FMN1: variants seen among roughly 807,000 people sequenced by gnomAD.
The protein encoded by FMN1 is formin 1, also known as formin-1.
A neutral mutation model predicts 132.4 loss-of-function variants in FMN1; 110 were observed. The observed-to-expected ratio is 0.83, with a 90% CI of 0.71 to 0.97. The LOEUF is 0.97. Ranked by LOEUF, FMN1 falls within the 50% of genes least tolerant of loss-of-function variation. The probability of loss-of-function intolerance (pLI) is 0.00; values close to 1 mark genes in which losing one functional copy is unlikely to be tolerated. For synonymous variants in FMN1, 722 were observed against 651.7 expected (o/e 1.11, Z -1.64); for missense variants, 1,792 against 1,705.3 (o/e 1.05, Z -0.90).
At position 32,777,480 on chromosome 15, in the gene FMN1, T is replaced by A. The variant is rs991202582; in HGVS notation, c.4131-561A>T. 1.1e-4 allele frequency among the ~76,000 whole-genome samples: 13 copies of A among 120,660 alleles called. 4 individuals are homozygous for A. Among genetic ancestry groups the A allele is most frequent in the Non-Finnish European group, 1.9e-4 (10 of 52,232 alleles). The allele number at this position is 120,660 out of a possible 152,430, so 79.2% of individuals were successfully genotyped here. On this transcript the variant is annotated intron_variant, in intron 19 of 20. Coordinates refer to ENST00000616417, the MANE Select transcript of FMN1 (RefSeq NM_001277313.2). ...TTTATATATTACGTATATTTATATA[T>A]TATATTTATATATTACGTATAACAT...
intron 3 of FMN1, among the ~76,000 whole-genome samples, chr15:33,178,378 C>T (rs1196564343): frequency 6.6e-6 from 1 of 152,282 alleles, no homozygotes; most frequent in African/African-American, 2.4e-5. Context: ...AAATTTTCAA[C>T]TTGAGACTGT....
intron 17 of FMN1, among the ~76,000 whole-genome samples, chr15:32,822,322 C>T (rs73386860): frequency 0.036 from 5,500 of 152,212 alleles, 160 homozygotes; most frequent in East Asian, 0.085. Context: ...GCACTCCAGG[C>T]CTGGGTGACA....
At chr15:33,162,981 G>T (rs1964955269) in intron 3 of FMN1, among the ~76,000 whole-genome samples, 1 of 152,110 alleles carries the variant, frequency 6.6e-6, no homozygotes, top group African/African-American at 2.4e-5. Context: ...GCTTGGTGTG[G>T]CTAATTAGCT....
At chr15:32,963,409 T>C (rs2030822058) in intron 9 of FMN1, among the ~76,000 whole-genome samples, 1 of 151,694 alleles carries the variant, frequency 6.6e-6, no homozygotes, top group Non-Finnish European at 1.5e-5. Flanking sequence ...GACGCGTTAG[T>C]GGGTGCAGCG....
At chr15:32,926,373 T>C in intron 9 of FMN1, 112 bp from the exon 10 acceptor site, 1 of 596,394 alleles carries the variant, frequency 1.7e-6, no homozygotes, top group Non-Finnish European at 2.9e-6. Context: ...ATGAACTAAA[T>C]TGATGCTGCA....
At chr15:32,839,845 C>G (rs1373937643) in intron 17 of FMN1, among the ~76,000 whole-genome samples, 4 of 151,124 alleles carry the variant, frequency 2.6e-5, no homozygotes, top group African/African-American at 7.3e-5. Context: ...TGGGGAACAA[C>G]AATGTAAAAA....
At chr15:33,062,719 C>A (rs974895662) in intron 6 of FMN1, 2 of 152,118 alleles carry the variant, frequency 1.3e-5, no homozygotes, top group African/African-American at 4.8e-5. Flanking sequence ...GGCCTAGTTT[C>A]AAAAGTGACA....
At chr15:32,965,146 C>T (rs1053871958) in intron 8 of FMN1, among the ~76,000 whole-genome samples, 2 of 152,118 alleles carry the variant, frequency 1.3e-5, no homozygotes, top group African/African-American at 2.4e-5. Context: ...ACCTGTAATC[C>T]AAGCACTTTG....
intron 7 of FMN1, among the ~76,000 whole-genome samples, chr15:32,989,571 AG>A (rs1264754160): frequency 6.6e-6 from 1 of 152,166 alleles, no homozygotes; most frequent in Admixed American, 6.5e-5. Context: ...CCCCACCAAA[AG>A]AAAGAAAGCC....
At chr15:32,999,661 C>T (rs17229048) in intron 7 of FMN1, among the ~76,000 whole-genome samples, 3,888 of 152,192 alleles carry the variant, frequency 0.026, 85 homozygotes, top group South Asian at 0.062. Flanking sequence ...ATGGGGTAAA[C>T]GAAAAAGATT....
At chr15:32,818,195 C>A (rs956459057) in intron 17 of FMN1, among the ~76,000 whole-genome samples, 11 of 151,944 alleles carry the variant, frequency 7.2e-5, no homozygotes, top group African/African-American at 1.9e-4. Flanking sequence ...CTTGCTTTTT[C>A]ATTTTTTCCC....
chr15:32,846,455 T>A (rs111755309), intron 17 of FMN1, among the ~76,000 whole-genome samples: 6,211 of 151,770 alleles, frequency 0.041, 421 homozygotes, highest in African/African-American at 0.14. Flanking sequence ...CCAACAAACA[T>A]GAAAAAAAGT....
At chr15:33,152,354 G>C (rs970302501) in intron 4 of FMN1, among the ~76,000 whole-genome samples, 2 of 152,104 alleles carry the variant, frequency 1.3e-5, no homozygotes, top group East Asian at 1.9e-4. Context: ...TGCTATACCA[G>C]TAACAGTAAC....
chr15:33,149,013 C>CTTTTTTTTTTTTTTATTATTATTAT (rs1964341191), intron 4 of FMN1, among the ~76,000 whole-genome samples: 1 of 137,350 alleles, frequency 7.3e-6, no homozygotes, highest in Non-Finnish European at 1.5e-5. Context: ...TTGTTTTTTT[C>CTTTTTTTTTTTTTTATTATTATTAT]TTAAAAAATA....
chr15:33,001,565 T>A (rs1238645343), intron 7 of FMN1, among the ~76,000 whole-genome samples: 2 of 80,188 alleles, frequency 2.5e-5, no homozygotes, highest in Non-Finnish European at 5.2e-5. Context: ...CTCCTCCCAC[T>A]TCCCCCCCCA....
intron 3 of FMN1, among the ~76,000 whole-genome samples, chr15:33,159,504 G>A (rs1342130391): frequency 6.6e-6 from 1 of 152,138 alleles, no homozygotes; most frequent in South Asian, 2.1e-4. Context: ...AGTATATAAG[G>A]TGTTTCAATT....
At chr15:33,091,477 C>T (rs1057331728) in intron 4 of FMN1, among the ~76,000 whole-genome samples, 1 of 152,094 alleles carries the variant, frequency 6.6e-6, no homozygotes, top group Non-Finnish European at 1.5e-5. Context: ...TAAGGTTTAA[C>T]CAGACAATAT....
At chr15:33,125,998 A>C (rs1296052069) in intron 4 of FMN1, among the ~76,000 whole-genome samples, 2 of 140,730 alleles carry the variant, frequency 1.4e-5, no homozygotes, top group Non-Finnish European at 3.0e-5. Context: ...GTGGCTTCTA[A>C]ATCTACACAT....
intron 4 of FMN1, among the ~76,000 whole-genome samples, chr15:33,089,480 A>G (rs547417991): frequency 1.3e-5 from 2 of 152,282 alleles, no homozygotes; most frequent in South Asian, 4.1e-4. Context: ...TGAGAAACCC[A>G]TTTTGGATTC....
Sources: gnomAD v4.1 joint callset for allele counts (sites outside exome capture counted in the v4.1 genomes callset) on GRCh38, gnomAD v4.1.1 for gene constraint, MANE v1.5 for transcripts, NCBI Gene and HGNC (gene_info 2026-07-23, HGNC 2026-07-21) for gene names.